The following PBX1 variants were observed in gnomAD, a reference collection of about 807,000 sequenced individuals.
PBX1 encodes the protein pre-B-cell leukemia transcription factor 1.
Under a neutral mutation model 53.4 loss-of-function variants are expected in PBX1, and 6 were observed. The observed-to-expected ratio is 0.11, with a 90% CI of 0.06 to 0.22. The LOEUF is 0.22. PBX1 is among the 10% of genes least tolerant of loss of function. The probability of loss-of-function intolerance (pLI) is 1.00; values close to 1 mark genes in which losing one functional copy is unlikely to be tolerated. For synonymous variants in PBX1, 204 were observed against 212.3 expected, an observed-to-expected ratio of 0.96 and a Z score of 0.34; for missense variants, 251 against 551.4, an observed-to-expected ratio of 0.46 and a Z score of 5.46.
intron 2 of PBX1, among the ~76,000 whole-genome samples, chr1:164,646,944 T>C (rs1770548): frequency 0.92 from 139,325 of 152,240 alleles, 65,031 homozygotes; most frequent in Non-Finnish European, 1. Context: ...GCATTCAGTC[T>C]GGTCTGCAGG....
At chr1:164,863,052 T>C (rs575367095) in intron 2 of PBX1, among the ~76,000 whole-genome samples, 1 of 152,300 alleles carries the variant, frequency 6.6e-6, no homozygotes, top group East Asian at 1.9e-4. Context: ...ATTTGACATT[T>C]GTTATTGGTA....
intron 2 of PBX1, among the ~76,000 whole-genome samples, chr1:164,603,252 T>C (rs1656301424): frequency 6.6e-6 from 1 of 152,210 alleles, no homozygotes; most frequent in African/African-American, 2.4e-5. Flanking sequence ...TGTGTTTGCT[T>C]CATTTCTTTC....
Position 164,850,563 on chromosome 1 carries a change from T to C in PBX1, c.*3887T>C, listed in dbSNP as rs1229908013. On this transcript the variant is annotated 3_prime_UTR_variant, in exon 9 of 9. Transcript: ENST00000420696. The stretch of plus-strand genomic sequence containing the variant: ...TTATGATCTTGCTGTTTTTCTTCAA[T>C]ATGTATACAAGGTGATGTGAAAAGA... 5.2e-6 allele frequency: 1 copy of C among 192,128 alleles called. No homozygotes were observed. The highest frequency in any genetic ancestry group is 2.3e-5 in the African/African-American group (1 of 43,074). 11.9% of individuals were successfully genotyped at this position (192,128 alleles called of 1,614,324 possible).
At chr1:164,571,871 T>TTGTG (rs1553209094) in intron 2 of PBX1, among the ~76,000 whole-genome samples, 45 of 59,960 alleles carry the variant, frequency 7.5e-4, no homozygotes, top group Non-Finnish European at 1.0e-3. Context: ...AATCTGTACA[T>TTGTG]TGTATATATA....
chr1:164,814,280 G>A (rs1010608884), intron 6 of PBX1: 2 of 152,258 alleles, frequency 1.3e-5, no homozygotes, highest in African/African-American at 4.8e-5. Context: ...AAAGATAAAT[G>A]ATAATTGAAA....
At chr1:164,766,370 T>G (rs1667057547) in intron 2 of PBX1, among the ~76,000 whole-genome samples, 1 of 152,178 alleles carries the variant, frequency 6.6e-6, no homozygotes, top group Non-Finnish European at 1.5e-5. Flanking sequence ...AGCACTTTAT[T>G]TTCTTATTTC....
At chr1:164,825,826 A>G (rs1024476105) in intron 8 of PBX1, among the ~76,000 whole-genome samples, 2 of 152,184 alleles carry the variant, frequency 1.3e-5, no homozygotes, top group East Asian at 3.8e-4. Context: ...ATCCCTGTTT[A>G]AAAAAAGTAT....
chr1:164,753,811 T>A (rs1168757634), intron 2 of PBX1, among the ~76,000 whole-genome samples: 1 of 152,176 alleles, frequency 6.6e-6, no homozygotes, highest in African/African-American at 2.4e-5. Flanking sequence ...CCTTTTCAAT[T>A]TGGGCCCCGG....
At chr1:164,747,610 C>T (rs16834333) in intron 2 of PBX1, among the ~76,000 whole-genome samples, 8,253 of 152,180 alleles carry the variant, frequency 0.054, 229 homozygotes, top group South Asian at 0.11. Flanking sequence ...AAGTATTTGC[C>T]AGTTTCCACA....
intron 2 of PBX1, among the ~76,000 whole-genome samples, chr1:164,721,104 C>G (rs532441438): frequency 4.6e-5 from 7 of 152,324 alleles, no homozygotes; most frequent in Non-Finnish European, 8.8e-5. Context: ...AAGGTTTCTT[C>G]TAATCCTGCG....
intron 2 of PBX1, among the ~76,000 whole-genome samples, chr1:164,758,884 A>G (rs1467211157): frequency 6.6e-6 from 1 of 152,194 alleles, no homozygotes; most frequent in Admixed American, 6.5e-5. Flanking sequence ...GAATTACTAA[A>G]TGCATGGAAG....
chr1:164,609,228 T>C (rs2101821327), intron 2 of PBX1, among the ~76,000 whole-genome samples: 1 of 152,196 alleles, frequency 6.6e-6, no homozygotes, highest in Non-Finnish European at 1.5e-5. Flanking sequence ...TAACATTGCC[T>C]TTTTTATTTT....
chr1:164,605,884 G>A (rs16833137), intron 2 of PBX1, among the ~76,000 whole-genome samples: 21,251 of 152,128 alleles, frequency 0.14, 1,887 homozygotes, highest in East Asian at 0.4. Context: ...TTTATCAGTA[G>A]TTAGAGTTTA....
chr1:164,637,994 T>C (rs1254004116), intron 2 of PBX1, among the ~76,000 whole-genome samples: 1 of 152,222 alleles, frequency 6.6e-6, no homozygotes, highest in African/African-American at 2.4e-5. Flanking sequence ...GCCATCGTGC[T>C]CTGGGGACCA....
intron 2 of PBX1, among the ~76,000 whole-genome samples, chr1:164,864,991 G>A (rs1672182798): frequency 6.6e-6 from 1 of 152,220 alleles, no homozygotes; most frequent in Non-Finnish European, 1.5e-5. Context: ...CCTGCACTGG[G>A]GGGATTGCCA....
intron 3 of PBX1, 48 bp downstream of exon 3, chr1:164,792,786 G>T (rs767159774): frequency 3.5e-6 from 5 of 1,432,498 alleles, no homozygotes; most frequent in Non-Finnish European, 1.9e-6. Flanking sequence ...TTAGGAAAGG[G>T]TGGAGGAAGC....
intron 2 of PBX1, among the ~76,000 whole-genome samples, chr1:164,638,972 G>A (rs370960091): frequency 3.3e-4 from 50 of 152,268 alleles, no homozygotes; most frequent in African/African-American, 1.1e-3. Flanking sequence ...CTGCCTGCCC[G>A]TTTTTTCTCT....
At chr1:164,687,670 G>A (rs1552561) in intron 2 of PBX1, among the ~76,000 whole-genome samples, 45,984 of 151,452 alleles carry the variant, frequency 0.3, 7,508 homozygotes, top group Admixed American at 0.42. Flanking sequence ...AGGGATTCTC[G>A]TTGCACATCT....
chr1:164,810,126 C>CT (rs1669536117), intron 5 of PBX1, among the ~76,000 whole-genome samples: 1 of 152,140 alleles, frequency 6.6e-6, no homozygotes, highest in African/African-American at 2.4e-5. Flanking sequence ...ATTTTACTTC[C>CT]TAATGGACTT....
Sources: allele counts gnomAD v4.1 joint callset (sites outside exome capture counted in the v4.1 genomes callset), GRCh38; gene constraint gnomAD v4.1.1; transcripts MANE v1.5; gene names NCBI Gene and HGNC (gene_info 2026-07-23, HGNC 2026-07-21).